The following UNC13D variants were observed in gnomAD, a reference collection of about 807,000 sequenced individuals.
The protein encoded by UNC13D is protein unc-13 homolog D.
In UNC13D, 115 loss-of-function variants were observed where a neutral mutation model predicts 151.7. The observed-to-expected ratio is 0.76, with a 90% confidence interval of 0.65 to 0.88. The LOEUF is 0.88. Among genes scored for constraint, UNC13D ranks in the 40% least tolerant of loss-of-function variants. UNC13D has a pLI of 0.00. For missense variants in UNC13D, 1,369 were observed against 1,438.7 expected (o/e 0.95, Z 0.78); for synonymous variants, 588 against 612.2 (o/e 0.96, Z 0.58).
rs112245411 is a variant in UNC13D, at chr17:75,834,487, G to A, written c.2136C>T (p.Ile712=). Residue 712 remains isoleucine, a synonymous_variant, in exon 23 of 32, where the codon ATC becomes ATT. Transcript: ENST00000207549. ...VNDMEQLRLV[I]GKLPAQLAWE... Reference sequence around the variant, plus strand: ...ATGCCAGCTGGGCGGGCAACTTGCCGATCACCAGCCGCAGCTGCTCCATGT... The same window carrying A: ...ATGCCAGCTGGGCGGGCAACTTGCCAATCACCAGCCGCAGCTGCTCCATGT... The A allele has an allele frequency of 1.7e-5, 27 of 1,569,824 alleles. 1 individual carries two copies. The highest frequency in any genetic ancestry group is 4.6e-5 in the South Asian group (4 of 87,082).
In UNC13D at chr17:75,835,188, C is replaced by T. The variant is rs117819199; in HGVS notation, c.1849-125G>A. 3.5e-5 allele frequency: 52 copies of T among 1,502,670 alleles called. No individual in the cohort carries two copies. In the East Asian group the frequency reaches 3.7e-4, roughly 11 times the overall value. The allele number at this position is 1,502,670 out of a possible 1,614,324, so 93.1% of individuals were successfully genotyped here. On this transcript the variant is annotated intron_variant, in intron 20 of 31. Transcript: ENST00000207549. ...CAGGGAGCTTCACAAGAGACAAGCA[C>T]GGCTCCGCCCAGACCCCCAGGCTGC...
In UNC13D at chr17:75,840,782, C is replaced by T. The variant is rs771266801; in HGVS notation, c.663G>A (p.Thr221=). ...ESVRQKLGEL[T]DLHGLRRIFK... is the part of the protein sequence containing the mutation. ...CGAACCTGCGAAGCCCATGCAGATCCGTGAGCTCCCCAAGCTTCTGTCGGA... is the reference window on the plus strand; with the variant it reads ...CGAACCTGCGAAGCCCATGCAGATCTGTGAGCTCCCCAAGCTTCTGTCGGA... The change falls in exon 8 of 32, where the codon ACG becomes ACA. Residue 221 remains threonine, a synonymous_variant. Coordinates refer to ENST00000207549, the MANE Select transcript of UNC13D (RefSeq NM_199242.3). The surrounding 1 kb of genome is among the most constrained non-coding windows in gnomAD (Gnocchi z 4.6). 9.9e-6 allele frequency: 16 copies of T among 1,613,872 alleles called. No homozygotes were observed. The highest frequency in any genetic ancestry group is 6.7e-5 in the East Asian group (3 of 44,894).
rs201589664 is a variant in UNC13D at position 75,840,266 on chromosome 17, G to T, written c.817C>A (p.Arg273=). The part of the protein sequence containing the change: ...LEPRTETYPD[R]GQCHLQFQLI... ...TGGAACTGGAGGTGGCACTGGCCTC[G>T]GTCTGGGTAGGTCTCAGTGCGGGGT... The change falls in exon 10 of 32, where the codon CGA becomes AGA. Residue 273 remains arginine, a synonymous_variant. Coordinates refer to ENST00000207549, the MANE Select transcript of UNC13D (RefSeq NM_199242.3). The surrounding 1 kb of genome is among the most constrained non-coding windows in gnomAD (Gnocchi z 4.6). The T allele has an allele frequency of 1.2e-6, 2 of 1,614,024 alleles. No individual in the cohort carries two copies. Among genetic ancestry groups the T allele is most frequent in the South Asian group, 1.1e-5 (1 of 91,084 alleles).
chr17:75,836,212 T>C lies in UNC13D; in HGVS notation c.1434A>G (p.Gln478=). The C allele has an allele frequency of 6.5e-7, 1 of 1,545,472 alleles. No homozygotes were observed. The highest frequency in any genetic ancestry group is 8.8e-7 in the Non-Finnish European group (1 of 1,136,928). The change falls in exon 16 of 32, where the codon CAA becomes CAG. Residue 478 remains glutamine, a synonymous_variant. Transcript: ENST00000207549. The part of the protein sequence containing the change: ...EWFHLKQQHH[Q]PMVQGIPEAG... ...CCCAGCCCCTCACCTGCACCATGGG[T>C]TGATGGTGCTGCTGCTTCAGGTGGA...
chr17:75,843,631 C>T (rs140145360), intron 1 of UNC13D, 112 bp from the exon 2 acceptor site: 2 of 1,531,426 alleles, frequency 1.3e-6, no homozygotes, highest in South Asian at 2.4e-5. Context: ...GGCCCCAGCA[C>T]CCCGGCCTCC....
chr17:75,840,566 CTTTAAAGATCCTGCG>C lies in UNC13D; in HGVS notation c.684-5_693del. ...TCCTGGCCTTTGTCCTTCCGGGCCT[CTTTAAAGATCCTGCG>C]TCAGGCAGGGTCCCATAAGGGGGAC... On this transcript the variant is annotated splice_acceptor_variant and splice_polypyrimidine_tract_variant and coding_sequence_variant and intron_variant, in exon 9 of 32. Coordinates refer to ENST00000207549, the MANE Select transcript of UNC13D (RefSeq NM_199242.3). LOFTEE classifies it high-confidence loss of function. The surrounding 1 kb of genome is among the most constrained non-coding windows in gnomAD (Gnocchi z 4.6). 6.2e-7 allele frequency: 1 copy of C among 1,614,082 alleles called. No individual in the cohort carries two copies. Among genetic ancestry groups the C allele is most frequent in the Non-Finnish European group, 8.5e-7 (1 of 1,180,032 alleles).
chr17:75,834,286 C>CGGGAT (rs1318114347), intron 23 of UNC13D, 39 bp downstream of exon 23: 1 of 1,587,742 alleles, frequency 6.3e-7, no homozygotes, highest in East Asian at 2.3e-5. Context: ...AGGCTGAAGA[C>CGGGAT]GGGATGGGAT....
At chr17:75,843,119 G>A in intron 3 of UNC13D, 40 bp downstream of exon 3, 1 of 1,608,782 alleles carries the variant, frequency 6.2e-7, no homozygotes, top group Non-Finnish European at 8.5e-7. Context: ...ACCAGACAGG[G>A]CAGCTGCAGG....
intron 31 of UNC13D, 125 bp downstream of exon 31, chr17:75,828,662 G>A (rs2062140266): frequency 9.2e-7 from 1 of 1,091,970 alleles, no homozygotes; most frequent in East Asian, 2.8e-5. Context: ...ATGGGCCGTG[G>A]CTGTCCCACT....
intron 31 of UNC13D, 53 bp from the exon 32 acceptor site, chr17:75,828,139 G>T: frequency 3.2e-6 from 5 of 1,552,250 alleles, no homozygotes; most frequent in Non-Finnish European, 1.7e-6. Context: ...GCAGTGCCTG[G>T]TGGTGGCAGA....
Position 75,841,005 on chromosome 17 carries a change from T to A in UNC13D, c.570-4A>T, listed in dbSNP as rs773544609. 5 of 1,613,928 alleles carry A rather than the reference T, an allele frequency of 3.1e-6. No homozygotes were observed. On this transcript the variant is annotated splice_polypyrimidine_tract_variant and splice_region_variant and intron_variant, in intron 6 of 31. Coordinates refer to ENST00000207549, the MANE Select transcript of UNC13D (RefSeq NM_199242.3). ...ATTGGTGATGTCCTCAAACTCCCTG[T>A]ATGGAGAAAAGGGCGTGGTTGAGGG...
In UNC13D at chr17:75,843,805, C is replaced by G. The variant is rs573010963; in HGVS notation, c.118-286G>C. ...AGGAAACAGCTCTGCTTATCAGTGG[C>G]GGCTGCTCCTCACCCAGCAGCGGAA... is the stretch of plus-strand genomic sequence containing the variant. On this transcript the variant is annotated intron_variant, in intron 1 of 31. Transcript: ENST00000207549. The G allele has an allele frequency of 2.3e-4, 318 of 1,387,326 alleles. 5 individuals are homozygous for G. The South Asian group carries it at 4.6e-3, about 20-fold the overall frequency. The allele number at this position is 1,387,326 out of a possible 1,614,324, so 85.9% of individuals were successfully genotyped here. A position where few individuals can be genotyped will look rare whatever the true frequency, so the allele number is the denominator to read the frequency against.
intron 30 of UNC13D, among the ~76,000 whole-genome samples, chr17:75,829,504 A>G (rs1200690101): frequency 2.0e-5 from 3 of 151,762 alleles, no homozygotes; most frequent in East Asian, 1.9e-4. Context: ...CATGTTAGCC[A>G]GGATGGTCTT....
At chr17:75,835,294 CA>C in intron 20 of UNC13D, 114 bp downstream of exon 20, 1 of 1,435,942 alleles carries the variant, frequency 7.0e-7, no homozygotes, top group Non-Finnish European at 9.4e-7. Flanking sequence ...CAAGTGCACC[CA>C]AAAGGGATGT....
chr17:75,829,323 T>G (rs2062144409), intron 30 of UNC13D, among the ~76,000 whole-genome samples: 1 of 152,028 alleles, frequency 6.6e-6, no homozygotes, highest in South Asian at 2.1e-4. Flanking sequence ...TGAGACGGAG[T>G]CTTGCTCTGT....
At chr17:75,835,325 T>C in intron 20 of UNC13D, 84 bp downstream of exon 20, 9 of 1,553,806 alleles carry the variant, frequency 5.8e-6, no homozygotes, top group Non-Finnish European at 7.0e-6. Flanking sequence ...GTTACTGGCT[T>C]TTACTACGCT....
chr17:75,835,871 C>G lies in UNC13D; in HGVS notation c.1580G>C (p.Arg527Pro). 6.2e-7 allele frequency: 1 copy of G among 1,614,168 alleles called. No homozygotes were observed. Among genetic ancestry groups the G allele is most frequent in the Non-Finnish European group, 8.5e-7 (1 of 1,180,034 alleles). Residue 527 changes from arginine (R) to proline (P), a missense_variant, in exon 18 of 32, where the codon CGG becomes CCG. Arg to Pro is a moderately radical substitution (Grantham distance 103). Around this residue, in one of 3 missense-constraint regions of UNC13D, gnomAD observed 807 missense variants for 795.5 expected, o/e 1.01. Coordinates refer to ENST00000207549, the MANE Select transcript of UNC13D (RefSeq NM_199242.3). ...GGGACTCACCAGCCACTGCAGCTCC[C>G]GGAAAGCCATGGAGAAGAGGTGGAT... ...LKIHLFSMAFRELQWLVAKRV... is the reference protein window; with the variant it reads ...LKIHLFSMAFPELQWLVAKRV...
rs752181903 is a variant in UNC13D, at chr17:75,836,328, G to A, written c.1389+11C>T. ...CGCTGGTCTCCCCCATCCCCAGCGC[G>A]AGTACCATACCTGCAGGGCCTCAGT... is the stretch of plus-strand genomic sequence containing the variant. On this transcript the variant is annotated intron_variant, in intron 15 of 31. Transcript: ENST00000207549. 13 of 1,613,714 alleles carry A rather than the reference G, an allele frequency of 8.1e-6. No individual in the cohort carries two copies. The highest frequency in any genetic ancestry group is 2.2e-5 in the East Asian group (1 of 44,892).
At position 75,827,778 on chromosome 17, in the gene UNC13D, G is replaced by A; in HGVS notation, c.*187C>T. On this transcript the variant is annotated 3_prime_UTR_variant, in exon 32 of 32. Transcript: ENST00000207549. The stretch of plus-strand genomic sequence containing the variant: ...GAGGCAGGGAGGCGGGAGTAGAGAT[G>A]TCGCTGCTGAGCCCCCATCACCATG... 1 of 1,480,512 alleles carries A rather than the reference G, an allele frequency of 6.8e-7. No individual in the cohort carries two copies. Among genetic ancestry groups the A allele is most frequent in the Non-Finnish European group, 9.0e-7 (1 of 1,114,782 alleles). 91.7% of individuals were successfully genotyped at this position (1,480,512 alleles called of 1,614,324 possible). A position where few individuals can be genotyped will look rare whatever the true frequency, so the allele number is the denominator to read the frequency against.
Sources: gnomAD v4.1 joint callset for allele counts (sites outside exome capture counted in the v4.1 genomes callset) on GRCh38, gnomAD v4.1.1 for gene constraint, gnomAD v4.1.1 regional missense constraint, Gnocchi (gnomAD v3.1) non-coding constraint, MANE v1.5 for transcripts, NCBI Gene and HGNC (gene_info 2026-07-23, HGNC 2026-07-21) for gene names.